The following PDE4D variants were observed in gnomAD, a reference collection of about 807,000 sequenced individuals.
The protein encoded by PDE4D is phosphodiesterase 4D, also known as 3',5'-cyclic-AMP phosphodiesterase 4D.
A neutral mutation model predicts 87.4 loss-of-function variants in PDE4D; 24 were observed. That is an observed-to-expected ratio of 0.27 (90% CI 0.20 to 0.39). The LOEUF (loss-of-function observed/expected upper bound fraction) is 0.39. Among genes scored for constraint, PDE4D ranks in the 10% least tolerant of loss-of-function variants. The pLI is 1.00. For missense variants in PDE4D, 714 were observed against 1,041.0 expected (o/e 0.69, Z 4.32); for synonymous variants, 384 against 383.2 (o/e 1.00, Z -0.02).
intron 1 of PDE4D, among the ~76,000 whole-genome samples, chr5:60,242,932 G>A (rs1430241759): frequency 6.6e-6 from 1 of 151,696 alleles, no homozygotes; most frequent in African/African-American, 2.4e-5. Context: ...AACTAGGAAA[G>A]GAAAGCAAGA....
At chr5:60,458,758 C>T (rs75835642) in intron 1 of PDE4D, among the ~76,000 whole-genome samples, 5 of 151,754 alleles carry the variant, frequency 3.3e-5, no homozygotes, top group Non-Finnish European at 2.9e-5. Flanking sequence ...GCACCACACC[C>T]GGACTCATGG....
chr5:59,695,421 T>A (rs1344723252), intron 1 of PDE4D, among the ~76,000 whole-genome samples: 2 of 152,114 alleles, frequency 1.3e-5, no homozygotes, highest in Non-Finnish European at 1.5e-5. Context: ...ATGCAACATG[T>A]TTGTTGAAAT....
At chr5:59,938,211 T>A (rs1756815937) in intron 3 of PDE4D, among the ~76,000 whole-genome samples, 1 of 152,166 alleles carries the variant, frequency 6.6e-6, no homozygotes, top group Admixed American at 6.5e-5. Flanking sequence ...AACCTATTAT[T>A]CTATACCATC....
chr5:60,205,152 G>A (rs916000114), intron 1 of PDE4D, among the ~76,000 whole-genome samples: 42 of 152,172 alleles, frequency 2.8e-4, no homozygotes, highest in Middle Eastern at 3.4e-3. Context: ...GGCTAGGTCC[G>A]CTGTCAGCTG....
chr5:59,603,147 T>C (rs745667515), intron 1 of PDE4D, among the ~76,000 whole-genome samples: 2 of 151,756 alleles, frequency 1.3e-5, no homozygotes, highest in Non-Finnish European at 2.9e-5. Flanking sequence ...AAAGCCAAAA[T>C]AGACAAGATT....
upstream of PDE4D, chr5:59,893,894 G>A (rs1751352446): frequency 1.0e-5 from 11 of 1,071,620 alleles, no homozygotes; most frequent in African/African-American, 1.7e-5. Context: ...CAAGACTAGG[G>A]TGCGCGGTGC....
At position 59,275,896 on chromosome 5, in the gene PDE4D, C is replaced by T. The variant is rs913711241; in HGVS notation, c.456-59928G>A. 3 of 985,224 alleles carry T rather than the reference C, an allele frequency of 3.0e-6. No homozygotes were observed. The African/African-American group carries it at 5.2e-5, about 17-fold the overall frequency. The allele number at this position is 985,224 out of a possible 1,614,324, so 61.0% of individuals were successfully genotyped here. ...CCATTTCAGGGCAAGCACAGGAAAA[C>T]ACTCCTCTCCGTGGAGCAAAGAAGT... On this transcript the variant is annotated intron_variant, in intron 1 of 14. Coordinates refer to ENST00000340635, the MANE Select transcript of PDE4D (RefSeq NM_001104631.2).
At chr5:59,757,781 C>A (rs1010265637) in intron 1 of PDE4D, among the ~76,000 whole-genome samples, 2 of 152,118 alleles carry the variant, frequency 1.3e-5, no homozygotes, top group Non-Finnish European at 2.9e-5. Context: ...TAAAATTATT[C>A]TCTGGCTGGC....
At chr5:60,109,900 T>C (rs1777491985) in intron 2 of PDE4D, among the ~76,000 whole-genome samples, 1 of 151,798 alleles carries the variant, frequency 6.6e-6, no homozygotes, top group African/African-American at 2.4e-5. Flanking sequence ...TTAGGAGATA[T>C]ACCTAATGCT....
rs35050580 is a variant in PDE4D at position 59,081,518 on chromosome 5, TA to T, written c.809-42548del. ...ACCTCATGACCAGGAAGTAATCAGG[TA>T]AAAAAAAAAAAGAAAAAAAGTGGGT... On this transcript the variant is annotated intron_variant, in intron 5 of 14. Transcript: ENST00000340635. Among the ~76,000 whole-genome samples, 50 of 135,366 alleles carry T rather than the reference TA, an allele frequency of 3.7e-4. 1 individual carries two copies. The highest frequency in any genetic ancestry group is 4.7e-4 in the South Asian group (2 of 4,258). The allele number at this position is 135,366 out of a possible 152,430, so 88.8% of individuals were successfully genotyped here.
Position 58,991,862 on chromosome 5 carries a change from AAC to A in PDE4D, c.1156_1157del (p.Val386Ter). 6.4e-7 allele frequency: 1 copy of A among 1,551,148 alleles called. No homozygotes were observed. Among genetic ancestry groups the A allele is most frequent in the Admixed American group, 2.0e-5 (1 of 51,226 alleles). ...LTNSSIPRFG[V>X]KTEQEDVLAK... ...CAAGGACATCTTCTTGTTCAGTTTT[AAC>A]TCCAAACCTTGGGATACTTGAATTA... On this transcript the variant is annotated frameshift_variant, in exon 8 of 15. Coordinates refer to ENST00000340635, the MANE Select transcript of PDE4D (RefSeq NM_001104631.2). LOFTEE classifies it high-confidence loss of function.
intron 5 of PDE4D, among the ~76,000 whole-genome samples, chr5:59,085,963 C>T (rs1001008697): frequency 2.6e-5 from 4 of 152,112 alleles, no homozygotes; most frequent in Non-Finnish European, 4.4e-5. Flanking sequence ...ATCAAGTATT[C>T]AGAGGTAGCT....
chr5:59,647,588 A>G (rs944836201), intron 1 of PDE4D, among the ~76,000 whole-genome samples: 1 of 152,096 alleles, frequency 6.6e-6, no homozygotes, highest in African/African-American at 2.4e-5. Flanking sequence ...CTTCTACCAC[A>G]TCATTTACAT....
intron 1 of PDE4D, among the ~76,000 whole-genome samples, chr5:59,292,961 C>T (rs1466665774): frequency 6.6e-6 from 1 of 152,132 alleles, no homozygotes; most frequent in Non-Finnish European, 1.5e-5. Context: ...CCTTCCCTTG[C>T]TAATGAGATG....
At chr5:60,519,602 T>G (rs1415207781) in intron 1 of PDE4D, among the ~76,000 whole-genome samples, 1 of 149,878 alleles carries the variant, frequency 6.7e-6, no homozygotes, top group Admixed American at 6.6e-5. Context: ...GCGTCCTGTT[T>G]GGAAAAAAAA....
intron 1 of PDE4D, among the ~76,000 whole-genome samples, chr5:60,336,099 G>C (rs1350160671): frequency 6.6e-6 from 1 of 152,140 alleles, no homozygotes; most frequent in East Asian, 1.9e-4. Flanking sequence ...ACCAAACACT[G>C]ACAACTTATT....
chr5:59,391,802 G>C (rs1371183493), intron 1 of PDE4D, among the ~76,000 whole-genome samples: 1 of 151,880 alleles, frequency 6.6e-6, no homozygotes, highest in Admixed American at 6.6e-5. Context: ...CCTTCTGAAT[G>C]AGGTCTTTCC....
intron 1 of PDE4D, among the ~76,000 whole-genome samples, chr5:59,270,696 C>T (rs865899522): frequency 4.6e-5 from 7 of 152,118 alleles, no homozygotes; most frequent in African/African-American, 1.2e-4. Context: ...ACCATACTTC[C>T]GAAAAGAAAA....
chr5:59,353,175 C>T (rs998609491), intron 1 of PDE4D, among the ~76,000 whole-genome samples: 3 of 152,094 alleles, frequency 2.0e-5, no homozygotes, highest in Non-Finnish European at 2.9e-5. Flanking sequence ...CTTTGGAAGA[C>T]AGAATCATCT....
Sources: allele counts gnomAD v4.1 joint callset (sites outside exome capture counted in the v4.1 genomes callset), GRCh38; gene constraint gnomAD v4.1.1; transcripts MANE v1.5; gene names NCBI Gene and HGNC (gene_info 2026-07-23, HGNC 2026-07-21).